The following RANBP2 variants were observed in gnomAD, a reference collection of about 807,000 sequenced individuals.
The protein encoded by RANBP2 is RAN binding protein 2, also known as E3 SUMO-protein ligase RanBP2.
Under a neutral mutation model 303.6 loss-of-function variants are expected in RANBP2, and 57 were observed. The ratio of observed to expected loss-of-function variants is 0.19; its 90% confidence interval spans 0.15 to 0.23. RANBP2 has a LOEUF of 0.23. Among genes scored for constraint, RANBP2 ranks in the 10% least tolerant of loss-of-function variants. The pLI, the probability that RANBP2 is intolerant of heterozygous loss-of-function variation, is 1.00. For synonymous variants in RANBP2, 1,167 were observed against 1,301.5 expected, an observed-to-expected ratio of 0.90 and a Z score of 2.23; for missense variants, 3,138 against 3,780.8, an observed-to-expected ratio of 0.83 and a Z score of 4.46.
chr2:109,561,835 C>T, the RANBP2 span, among the ~76,000 whole-genome samples: 2 of 152,108 alleles, frequency 1.3e-5, no homozygotes, highest in African/African-American at 4.8e-5. Context: ...ATCAGTGGGT[C>T]CTATGGACTT....
chr2:109,298,372 G>A, the RANBP2 span, among the ~76,000 whole-genome samples: 1 of 152,114 alleles, frequency 6.6e-6, no homozygotes, highest in Admixed American at 6.5e-5. Flanking sequence ...AGTTTCTGCT[G>A]GGGTAGAAGC....
chr2:109,468,352 T>C, the RANBP2 span, among the ~76,000 whole-genome samples: 1 of 152,244 alleles, frequency 6.6e-6, no homozygotes, highest in Non-Finnish European at 1.5e-5. Context: ...CACTGTGATG[T>C]TATGACAGCT....
At chr2:109,118,767 G>A in the RANBP2 span, among the ~76,000 whole-genome samples, 1 of 152,196 alleles carries the variant, frequency 6.6e-6, no homozygotes, top group African/African-American at 2.4e-5. Flanking sequence ...ATTCCCAGTT[G>A]CTTAGAGAAG....
the RANBP2 span, chr2:109,432,596 G>A: frequency 6.2e-7 from 1 of 1,613,514 alleles, no homozygotes; most frequent in Non-Finnish European, 8.5e-7. Flanking sequence ...TGTCAGGATG[G>A]CTGGTTCAAG....
chr2:108,882,613 C>T, the RANBP2 span: 1 of 152,258 alleles, frequency 6.6e-6, no homozygotes, highest in Admixed American at 6.5e-5. Flanking sequence ...CAGGTTAAGC[C>T]CCCAAGACCC....
chr2:109,600,521 A>T, the RANBP2 span, among the ~76,000 whole-genome samples: 17 of 151,816 alleles, frequency 1.1e-4, no homozygotes, highest in Non-Finnish European at 2.1e-4. Flanking sequence ...TTATATTTCT[A>T]ATATTAGCAA....
the RANBP2 span, chr2:109,565,881 A>C: frequency 6.4e-7 from 1 of 1,572,802 alleles, no homozygotes; most frequent in African/African-American, 1.3e-5. Flanking sequence ...TATCGAGCAC[A>C]TCTTCTCATA....
the RANBP2 span, chr2:109,371,756 C>A: frequency 8.0e-7 from 1 of 1,255,298 alleles, no homozygotes; most frequent in Non-Finnish European, 1.1e-6. Flanking sequence ...GTCACCTGAC[C>A]TTCAAGCCCC....
chr2:108,912,448 C>A, the RANBP2 span, among the ~76,000 whole-genome samples: 246 of 152,310 alleles, frequency 1.6e-3, 1 homozygote, highest in Non-Finnish European at 2.7e-3. Flanking sequence ...CCGCCTTCAC[C>A]ACCAGCACCT....
At chr2:108,755,819 G>C (rs1290052158) in intron 17 of RANBP2, among the ~76,000 whole-genome samples, 1 of 150,402 alleles carries the variant, frequency 6.6e-6, no homozygotes, top group Non-Finnish European at 1.5e-5. Context: ...CACCTCCCAG[G>C]TTCAAGCGAC....
chr2:109,055,621 C>A, the RANBP2 span, among the ~76,000 whole-genome samples: 8 of 150,732 alleles, frequency 5.3e-5, no homozygotes, highest in Admixed American at 4.0e-4. Flanking sequence ...GCTGACCTAG[C>A]GATCCATCTG....
the RANBP2 span, chr2:109,419,404 C>T: frequency 1.3e-4 from 109 of 866,482 alleles, no homozygotes; most frequent in African/African-American, 1.5e-3. Flanking sequence ...CAGGTAGGCA[C>T]AGCACGTTGG....
chr2:109,272,872 C>T, the RANBP2 span, among the ~76,000 whole-genome samples: 4 of 152,198 alleles, frequency 2.6e-5, no homozygotes, highest in East Asian at 7.7e-4. Flanking sequence ...CAAACGTTCT[C>T]TAACATCCCT....
the RANBP2 span, chr2:109,544,773 C>T: frequency 1.2e-6 from 1 of 817,764 alleles, no homozygotes; most frequent in Non-Finnish European, 1.5e-6. Flanking sequence ...AGCTTTTATA[C>T]TATTTATTCT....
chr2:109,141,331 AGCCTCTCGTCTCTGCCTGGGTCCCTCTT>A, the RANBP2 span, among the ~76,000 whole-genome samples: 1 of 152,148 alleles, frequency 6.6e-6, no homozygotes, highest in African/African-American at 2.4e-5. Flanking sequence ...TTCTGGAGGC[AGCCTCTCGTCTCTGCCTGGGTCCCTCTT>A]CCTCCAACTT....
At chr2:109,017,360 G>T in the RANBP2 span, among the ~76,000 whole-genome samples, 14 of 152,352 alleles carry the variant, frequency 9.2e-5, no homozygotes, top group South Asian at 2.9e-3. Flanking sequence ...TGGGCTTGGC[G>T]CCTGGGCAGC....
In RANBP2 at chr2:108,752,098, C is replaced by T. The variant is rs576970891; in HGVS notation, c.1755+104C>T. The T allele has an allele frequency of 2.0e-5, 31 of 1,578,316 alleles. No homozygotes were observed. The South Asian group carries it at 3.5e-4, about 18-fold the overall frequency. On this transcript the variant is annotated intron_variant, in intron 12 of 28. Coordinates refer to ENST00000283195, the MANE Select transcript of RANBP2 (RefSeq NM_006267.5). ...TTTGTTCTGAAAACAGCAGCTTGGT[C>T]ACATTATGACAGATGTGTTTTTTAT...
At chr2:109,230,336 A>G in the RANBP2 span, among the ~76,000 whole-genome samples, 1,932 of 152,160 alleles carry the variant, frequency 0.013, 20 homozygotes, top group South Asian at 0.024. Context: ...AGCACTTCCG[A>G]GAGGCCAAGG....
At chr2:109,149,809 G>A in the RANBP2 span, among the ~76,000 whole-genome samples, 3 of 152,238 alleles carry the variant, frequency 2.0e-5, no homozygotes, top group Non-Finnish European at 2.9e-5. Flanking sequence ...TTGTAGTGCA[G>A]GTATTTTTGT....
Sources: allele counts gnomAD v4.1 joint callset (sites outside exome capture counted in the v4.1 genomes callset), GRCh38; gene constraint gnomAD v4.1.1; transcripts MANE v1.5; gene names NCBI Gene and HGNC (gene_info 2026-07-23, HGNC 2026-07-21).